Variants in OXR1 observed in about 807,000 individuals in gnomAD.
The protein encoded by OXR1 is oxidation resistance protein 1.
OXR1 carries 41 observed loss-of-function variants against 104.6 expected under a neutral mutation model. That is an observed-to-expected ratio of 0.39 (90% CI 0.31 to 0.51). The LOEUF (loss-of-function observed/expected upper bound fraction) is 0.51. Among genes scored for constraint, OXR1 ranks in the 20% least tolerant of loss-of-function variants. OXR1 has a pLI of 0.77. For missense variants in OXR1, 955 were observed against 1,031.9 expected (o/e 0.93, Z 1.02); for synonymous variants, 348 against 348.4 (o/e 1.00, Z 0.01).
intron 4 of OXR1, among the ~76,000 whole-genome samples, chr8:106,681,986 C>G (rs1828200453): frequency 6.6e-6 from 1 of 152,136 alleles, no homozygotes; most frequent in Non-Finnish European, 1.5e-5. Flanking sequence ...GTTCTGTTAT[C>G]TTCACTTTGA....
intron 3 of OXR1, among the ~76,000 whole-genome samples, chr8:106,639,250 C>T (rs991065366): frequency 1.1e-4 from 16 of 152,158 alleles, no homozygotes; most frequent in African/African-American, 3.6e-4. Flanking sequence ...GATTGTGCGG[C>T]ACCTAGCACA....
intron 3 of OXR1, among the ~76,000 whole-genome samples, chr8:106,567,247 A>G (rs559352635): frequency 1.2e-4 from 18 of 151,912 alleles, no homozygotes; most frequent in African/African-American, 4.1e-4. Context: ...TGCTGTGTAC[A>G]TAGAGATTTC....
rs144666071 is a variant in OXR1, at chr8:106,395,004, T to C, written c.23+35368T>C. On this transcript the variant is annotated intron_variant, in intron 2 of 16. Transcript: ENST00000517566. ...TATGTTATAACCTCACTAAAAGTAG[T>C]GGGGGGAAAAGTAATTGACCTGAAT... Among the ~76,000 whole-genome samples the C allele has an allele frequency of 3.5e-4, 53 of 151,620 alleles. No individual in the cohort carries two copies. The East Asian group carries it at 9.5e-3, about 27-fold the overall frequency.
In OXR1 at chr8:106,551,807, T is replaced by TAC. The variant is rs1308321773; in HGVS notation, c.220+32669_220+32670insCA. Among the ~76,000 whole-genome samples the TAC allele has an allele frequency of 1.8e-3, 242 of 131,102 alleles. 1 individual carries two copies. The highest frequency in any genetic ancestry group is 6.8e-3 in the African/African-American group (230 of 33,972). 86.0% of individuals were successfully genotyped at this position (131,102 alleles called of 152,430 possible). On this transcript the variant is annotated intron_variant, in intron 3 of 16. Coordinates refer to ENST00000517566, the MANE Select transcript of OXR1 (RefSeq NM_001198533.2). ...CACTATACATATATATATATATATA[T>TAC]ATATATACACACACACACACATATA...
intron 3 of OXR1, among the ~76,000 whole-genome samples, chr8:106,558,252 G>A (rs891051903): frequency 2.6e-5 from 4 of 152,132 alleles, no homozygotes; most frequent in African/African-American, 7.2e-5. Flanking sequence ...TAGCCTTTTC[G>A]TATTGCTATG....
intron 1 of OXR1, among the ~76,000 whole-genome samples, chr8:106,343,708 T>C (rs1172913518): frequency 2.6e-5 from 4 of 152,214 alleles, no homozygotes; most frequent in Non-Finnish European, 5.9e-5. Context: ...TATCCTCAAA[T>C]GGAAATTCAA....
chr8:106,373,286 G>C (rs1188077341), intron 2 of OXR1, among the ~76,000 whole-genome samples: 1 of 152,070 alleles, frequency 6.6e-6, no homozygotes, highest in Non-Finnish European at 1.5e-5. Flanking sequence ...TGTGTTTTAT[G>C]CTTATTTTTA....
chr8:106,281,116 C>T (rs1411125883), intron 1 of OXR1, among the ~76,000 whole-genome samples: 1 of 151,960 alleles, frequency 6.6e-6, no homozygotes, highest in Non-Finnish European at 1.5e-5. Flanking sequence ...CACGGTTCTG[C>T]GCTTATCCAA....
chr8:106,327,085 TAA>T (rs1429928686), intron 1 of OXR1, among the ~76,000 whole-genome samples: 1 of 152,190 alleles, frequency 6.6e-6, no homozygotes, highest in Admixed American at 6.5e-5. Flanking sequence ...GTATCCTTTG[TAA>T]AAATTGTTTT....
intron 2 of OXR1, among the ~76,000 whole-genome samples, chr8:106,444,772 A>G (rs776508193): frequency 1.6e-4 from 24 of 152,116 alleles, no homozygotes; most frequent in Non-Finnish European, 2.5e-4. Flanking sequence ...TATGTAACAA[A>G]CCTGCACGTT....
chr8:106,373,590 G>A (rs10095514), intron 2 of OXR1, among the ~76,000 whole-genome samples: 2,311 of 152,138 alleles, frequency 0.015, 57 homozygotes, highest in African/African-American at 0.053. Context: ...TGGAAGATAG[G>A]GTGTTCTTTA....
At chr8:106,489,095 T>G (rs1209884611) in intron 2 of OXR1, among the ~76,000 whole-genome samples, 3 of 150,272 alleles carry the variant, frequency 2.0e-5, no homozygotes, top group Non-Finnish European at 4.4e-5. Context: ...CCTCTTTTAT[T>G]TCCTTGAGCA....
At position 106,618,954 on chromosome 8, in the gene OXR1, T is replaced by G. The variant is rs540391421; in HGVS notation, c.221-60256T>G. 7.6e-4 allele frequency among the ~76,000 whole-genome samples: 116 copies of G among 152,256 alleles called. 1 individual carries two copies. Among genetic ancestry groups the G allele is most frequent in the African/African-American group, 2.7e-3 (111 of 41,562 alleles). Reference sequence around the variant, plus strand: ...TATCATTAAACAGATCGACCTGTACTTTTAAATGGAAGGAATAAAGATATA... The same window carrying G: ...TATCATTAAACAGATCGACCTGTACGTTTAAATGGAAGGAATAAAGATATA... On this transcript the variant is annotated intron_variant, in intron 3 of 16. Transcript: ENST00000517566.
intron 1 of OXR1, among the ~76,000 whole-genome samples, chr8:106,285,579 C>T (rs1812461229): frequency 2.0e-5 from 3 of 152,006 alleles, no homozygotes; most frequent in Non-Finnish European, 4.4e-5. Context: ...TGTGCTGAAA[C>T]AGCTGGCCTC....
At chr8:106,330,481 G>A (rs16874403) in intron 1 of OXR1, among the ~76,000 whole-genome samples, 2,304 of 152,244 alleles carry the variant, frequency 0.015, 63 homozygotes, top group African/African-American at 0.052. Context: ...TGATCGGCCT[G>A]TTTCAAATAA....
chr8:106,579,180 T>A (rs1032304471), intron 3 of OXR1, among the ~76,000 whole-genome samples: 6 of 152,258 alleles, frequency 3.9e-5, no homozygotes, highest in South Asian at 2.1e-4. Flanking sequence ...CATTTCTGGC[T>A]TACAGTTTGG....
At chr8:106,548,943 T>C (rs886219175) in intron 3 of OXR1, among the ~76,000 whole-genome samples, 1 of 152,204 alleles carries the variant, frequency 6.6e-6, no homozygotes, top group Non-Finnish European at 1.5e-5. Context: ...CACAGAATCT[T>C]TCCCTTTCAC....
Position 106,430,620 on chromosome 8 carries a change from A to C in OXR1, c.23+70984A>C, listed in dbSNP as rs116563019. 4.4e-3 allele frequency among the ~76,000 whole-genome samples: 666 copies of C among 152,328 alleles called. 5 individuals are homozygous for C. Among genetic ancestry groups the C allele is most frequent in the African/African-American group, 0.015 (633 of 41,582 alleles). ...AGATCCATAGAGTTTGGGATATTTT[A>C]GAACCAGTACTTCAGTTTATCTTCC... On this transcript the variant is annotated intron_variant, in intron 2 of 16. Transcript: ENST00000517566.
At chr8:106,442,388 T>C (rs1819822736) in intron 2 of OXR1, among the ~76,000 whole-genome samples, 1 of 152,150 alleles carries the variant, frequency 6.6e-6, no homozygotes, top group Admixed American at 6.5e-5. Flanking sequence ...TTTTTTCTTG[T>C]GTCTCTTCCC....
Sources: gnomAD v4.1 joint callset for allele counts (sites outside exome capture counted in the v4.1 genomes callset) on GRCh38, gnomAD v4.1.1 for gene constraint, MANE v1.5 for transcripts, NCBI Gene and HGNC (gene_info 2026-07-23, HGNC 2026-07-21) for gene names.